ENOX1: variants seen among roughly 807,000 people sequenced by gnomAD.
The protein encoded by ENOX1 is candidate growth-related and time keeping constitutive hydroquinone (NADH) oxidase.
In ENOX1, 42 loss-of-function variants were observed where a neutral mutation model predicts 82.5. The ratio of observed to expected loss-of-function variants is 0.51; its 90% confidence interval spans 0.40 to 0.66. ENOX1 has a LOEUF of 0.66. Ranked by LOEUF, ENOX1 falls within the 30% of genes least tolerant of loss-of-function variation. The pLI, the probability that ENOX1 is intolerant of heterozygous loss-of-function variation, is 0.00. For missense variants in ENOX1, 608 were observed against 811.6 expected, an observed-to-expected ratio of 0.75 and a Z score of 3.05; for synonymous variants, 271 against 282.2, an observed-to-expected ratio of 0.96 and a Z score of 0.40.
At position 43,671,052 on chromosome 13, in the gene ENOX1, G is replaced by A. The variant is rs193113571; in HGVS notation, c.-284-3508C>T. Among the ~76,000 whole-genome samples the A allele has an allele frequency of 9.9e-5, 15 of 152,158 alleles. 1 individual carries two copies. In the East Asian group the frequency reaches 2.7e-3, roughly 27 times the overall value. On this transcript the variant is annotated intron_variant, in intron 1 of 16. Coordinates refer to ENST00000690772, the MANE Select transcript of ENOX1 (RefSeq NM_001347969.2). ...AGGGAAGTGACTGGATTAAGGGGGT[G>A]GTTTCCCCCATACTCTTCTAGTGAT...
At chr13:43,429,826 C>T (rs148864065) in intron 3 of ENOX1, among the ~76,000 whole-genome samples, 5 of 152,176 alleles carry the variant, frequency 3.3e-5, no homozygotes, top group East Asian at 3.9e-4. Context: ...CCTTGCTAAG[C>T]TAAATTGCAA....
rs777416402 is a variant in ENOX1 at position 43,356,162 on chromosome 13, A to G, written c.590-10T>C. The G allele has an allele frequency of 1.9e-5, 30 of 1,612,546 alleles. No homozygotes were observed. The highest frequency in any genetic ancestry group is 5.5e-5 in the South Asian group (5 of 90,936). On this transcript the variant is annotated splice_polypyrimidine_tract_variant and intron_variant, in intron 7 of 16. Transcript: ENST00000690772. ...AATCGCATCCTATAACCTGAAACCA[A>G]TGGAAACTCTGGTCACACCATAATG...
At chr13:43,718,177 T>C (rs1415630149) in intron 1 of ENOX1, among the ~76,000 whole-genome samples, 1 of 151,998 alleles carries the variant, frequency 6.6e-6, no homozygotes, top group Non-Finnish European at 1.5e-5. Context: ...GTAGTACATA[T>C]GCACTATGGA....
At chr13:43,634,489 A>G (rs991717983) in intron 2 of ENOX1, among the ~76,000 whole-genome samples, 1 of 152,182 alleles carries the variant, frequency 6.6e-6, no homozygotes, top group Non-Finnish European at 1.5e-5. Context: ...GTCTATGTAG[A>G]TATTTTAAAA....
In ENOX1 at chr13:43,214,078, C is replaced by T. The variant is rs761977987; in HGVS notation, c.1844G>A (p.Arg615His). 63 of 1,613,352 alleles carry T rather than the reference C, an allele frequency of 3.9e-5. No individual in the cohort carries two copies. Among genetic ancestry groups the T allele is most frequent in the African/African-American group, 6.7e-5 (5 of 74,886 alleles). The change falls in exon 17 of 17, where the codon CGC becomes CAC. Residue 615 changes from arginine to histidine, a missense_variant. By Grantham distance (29) the Arg-to-His change is conservative (BLOSUM62 0). Coordinates refer to ENST00000690772, the MANE Select transcript of ENOX1 (RefSeq NM_001347969.2). Reference protein sequence around the residue: ...EIEMLLMRLPRMFKQEFTGVG... With the variant: ...EIEMLLMRLPHMFKQEFTGVG... The stretch of plus-strand genomic sequence containing the variant: ...ACCCGTGAATTCCTGTTTGAACATG[C>T]GTGGCAGCCTCATCAAAAGCATTTC...
At chr13:43,603,372 ATTTT>A (rs2081819463) in intron 2 of ENOX1, among the ~76,000 whole-genome samples, 1 of 115,646 alleles carries the variant, frequency 8.6e-6, no homozygotes, top group Admixed American at 9.2e-5. Context: ...CCTTTTATTT[ATTTT>A]ATTTATTTAT....
intron 5 of ENOX1, among the ~76,000 whole-genome samples, chr13:43,387,570 C>T: frequency 6.6e-6 from 1 of 151,822 alleles, no homozygotes; most frequent in Non-Finnish European, 1.5e-5. Flanking sequence ...GTCTTTTATG[C>T]CTATTGACTT....
At chr13:43,676,203 T>G in intron 1 of ENOX1, among the ~76,000 whole-genome samples, 1 of 152,164 alleles carries the variant, frequency 6.6e-6, no homozygotes, top group Non-Finnish European at 1.5e-5. Context: ...TCAAAAGCAC[T>G]GCACACATTT....
At chr13:43,219,738 G>A (rs981932811) in intron 16 of ENOX1, among the ~76,000 whole-genome samples, 19 of 152,008 alleles carry the variant, frequency 1.2e-4, no homozygotes, top group Non-Finnish European at 7.4e-5. Context: ...CTCCTTGCCC[G>A]GCCTCTAATC....
intron 5 of ENOX1, among the ~76,000 whole-genome samples, chr13:43,395,896 G>C (rs1455017869): frequency 6.6e-6 from 1 of 152,132 alleles, no homozygotes; most frequent in African/African-American, 2.4e-5. Context: ...GTTCTTTCCT[G>C]CTCATATTTC....
chr13:43,602,997 T>C (rs2081793941), intron 2 of ENOX1, among the ~76,000 whole-genome samples: 1 of 152,144 alleles, frequency 6.6e-6, no homozygotes, highest in Admixed American at 6.5e-5. Flanking sequence ...TAATAACAGC[T>C]TATGTGTATA....
intron 12 of ENOX1, among the ~76,000 whole-genome samples, chr13:43,288,674 A>G (rs1317418381): frequency 1.3e-5 from 2 of 152,190 alleles, no homozygotes; most frequent in East Asian, 3.8e-4. Flanking sequence ...TTCCTGAATG[A>G]GCCAATAACC....
intron 1 of ENOX1, among the ~76,000 whole-genome samples, chr13:43,745,041 A>G (rs1188186046): frequency 6.6e-6 from 1 of 152,206 alleles, no homozygotes; most frequent in African/African-American, 2.4e-5. Context: ...ATTGAACACT[A>G]GGAGTATGCT....
intron 1 of ENOX1, among the ~76,000 whole-genome samples, chr13:43,699,802 TTCTC>T (rs1413727458): frequency 6.6e-6 from 1 of 152,200 alleles, no homozygotes; most frequent in African/African-American, 2.4e-5. Flanking sequence ...TTGGCTTATT[TTCTC>T]TCTTTTTTAA....
chr13:43,612,608 G>T (rs2082244334), intron 2 of ENOX1, among the ~76,000 whole-genome samples: 1 of 152,038 alleles, frequency 6.6e-6, no homozygotes, highest in Non-Finnish European at 1.5e-5. Context: ...TTACATCCAA[G>T]AATTCCCTAT....
chr13:43,783,638 T>C (rs927703669), intron 1 of ENOX1, among the ~76,000 whole-genome samples: 1 of 152,192 alleles, frequency 6.6e-6, no homozygotes, highest in African/African-American at 2.4e-5. Context: ...CTCAGCTTTT[T>C]GTAATATCCT....
intron 5 of ENOX1, among the ~76,000 whole-genome samples, chr13:43,378,637 T>C (rs2051812300): frequency 1.3e-5 from 2 of 152,156 alleles, no homozygotes; most frequent in South Asian, 4.1e-4. Flanking sequence ...GCTGCTGTGA[T>C]CTCTCATAAC....
At chr13:43,543,576 A>G (rs899155742) in intron 2 of ENOX1, among the ~76,000 whole-genome samples, 1 of 151,660 alleles carries the variant, frequency 6.6e-6, no homozygotes, top group African/African-American at 2.4e-5. Flanking sequence ...CTGTTATGTT[A>G]AAGACCTGAT....
chr13:43,358,466 G>A (rs2050289726), intron 7 of ENOX1, among the ~76,000 whole-genome samples: 1 of 151,634 alleles, frequency 6.6e-6, no homozygotes, highest in South Asian at 2.1e-4. Flanking sequence ...GGGGGTCCTG[G>A]AACCAATCCT....
Sources: allele counts gnomAD v4.1 joint callset (sites outside exome capture counted in the v4.1 genomes callset), GRCh38; gene constraint gnomAD v4.1.1; transcripts MANE v1.5; gene names NCBI Gene and HGNC (gene_info 2026-07-23, HGNC 2026-07-21).